Variants in JAZF1 observed in about 807,000 individuals in gnomAD.
JAZF1 encodes JAZF zinc finger 1.
In JAZF1, 8 loss-of-function variants were observed where a neutral mutation model predicts 26.4. That is an observed-to-expected ratio of 0.30 (90% CI 0.18 to 0.55). JAZF1 has a LOEUF of 0.55. JAZF1 is among the 20% of genes least tolerant of loss of function. JAZF1 has a pLI of 0.94. For synonymous variants in JAZF1, 126 were observed against 122.3 expected, an observed-to-expected ratio of 1.03 and a Z score of -0.20; for missense variants, 199 against 322.0, an observed-to-expected ratio of 0.62 and a Z score of 2.92.
chr7:28,158,134 A>G (rs984543352), intron 1 of JAZF1, among the ~76,000 whole-genome samples: 1 of 151,302 alleles, frequency 6.6e-6, no homozygotes, highest in Non-Finnish European at 1.5e-5. Flanking sequence ...AGGAGACCAC[A>G]TTGAAAACAC....
chr7:28,142,307 T>G (rs990708579), intron 1 of JAZF1, among the ~76,000 whole-genome samples: 2 of 152,126 alleles, frequency 1.3e-5, no homozygotes, highest in African/African-American at 4.8e-5. Context: ...AACAGACACA[T>G]ATGCACATGC....
chr7:28,149,020 T>C (rs534072741), intron 1 of JAZF1, among the ~76,000 whole-genome samples: 1 of 152,334 alleles, frequency 6.6e-6, no homozygotes, highest in South Asian at 2.1e-4. Context: ...GGTACTCAAA[T>C]CTTTCCCCCA....
At chr7:28,132,396 G>T (rs534860887) in intron 1 of JAZF1, among the ~76,000 whole-genome samples, 1 of 152,170 alleles carries the variant, frequency 6.6e-6, no homozygotes, top group African/African-American at 2.4e-5. Flanking sequence ...TTAAAGACTC[G>T]TGGGAACAAA....
At chr7:28,133,159 C>A (rs1483075103) in intron 1 of JAZF1, among the ~76,000 whole-genome samples, 1 of 152,170 alleles carries the variant, frequency 6.6e-6, no homozygotes, top group Non-Finnish European at 1.5e-5. Context: ...TAACAAACAC[C>A]CTCTGTAAAA....
chr7:28,012,439 TA>T (rs543586393), intron 1 of JAZF1, among the ~76,000 whole-genome samples: 46 of 152,280 alleles, frequency 3.0e-4, no homozygotes, highest in African/African-American at 9.6e-4. Flanking sequence ...TTTTTTTCTT[TA>T]AAAAACAAAA....
chr7:28,069,666 G>C (rs139462823), intron 1 of JAZF1, among the ~76,000 whole-genome samples: 265 of 152,214 alleles, frequency 1.7e-3, no homozygotes, highest in African/African-American at 6.1e-3. Context: ...ATGACCTAAG[G>C]GGGGAGAAAA....
intron 1 of JAZF1, among the ~76,000 whole-genome samples, chr7:28,145,368 A>G (rs1783011986): frequency 1.3e-5 from 2 of 152,228 alleles, no homozygotes; most frequent in Admixed American, 1.3e-4. Flanking sequence ...AAACACGCCT[A>G]AGCACATACT....
intron 1 of JAZF1, among the ~76,000 whole-genome samples, chr7:28,151,318 T>C (rs1783109269): frequency 6.6e-6 from 1 of 151,790 alleles, no homozygotes; most frequent in Non-Finnish European, 1.5e-5. Flanking sequence ...TTGCCCAGGC[T>C]GGTCTTAAAC....
intron 2 of JAZF1, among the ~76,000 whole-genome samples, chr7:27,918,648 C>T (rs975216407): frequency 6.6e-6 from 1 of 152,182 alleles, no homozygotes; most frequent in Non-Finnish European, 1.5e-5. Flanking sequence ...CAGAGTTATA[C>T]AGAAAATTTG....
At chr7:27,850,641 C>A (rs909831804) in intron 3 of JAZF1, among the ~76,000 whole-genome samples, 1 of 152,188 alleles carries the variant, frequency 6.6e-6, no homozygotes, top group African/African-American at 2.4e-5. Flanking sequence ...CCCAAGATAA[C>A]ACAGCTTCAA....
chr7:27,928,882 C>T (rs562474378), intron 2 of JAZF1, among the ~76,000 whole-genome samples: 8 of 152,160 alleles, frequency 5.3e-5, no homozygotes, highest in African/African-American at 1.7e-4. Flanking sequence ...TACAACAAAC[C>T]CCCATGACAC....
At chr7:27,935,288 G>A (rs757675384) in intron 2 of JAZF1, among the ~76,000 whole-genome samples, 6 of 152,118 alleles carry the variant, frequency 3.9e-5, no homozygotes, top group African/African-American at 7.2e-5. Context: ...AATAGTTGGC[G>A]GATCCTCAAA....
rs567328540 is a variant in JAZF1, at chr7:28,051,143, A to C, written c.116-59162T>G. 8.1e-3 allele frequency among the ~76,000 whole-genome samples: 1,214 copies of C among 149,950 alleles called. 28 individuals carry two copies. Among genetic ancestry groups the C allele is most frequent in the African/African-American group, 0.023 (953 of 40,666 alleles). Reference sequence around the variant, plus strand: ...CAAGACTCCATCTCAAAAAAAAAAAAAAAAAAAAAAAAACAAAGTCTACTA... The same window carrying C: ...CAAGACTCCATCTCAAAAAAAAAAACAAAAAAAAAAAAACAAAGTCTACTA... On this transcript the variant is annotated intron_variant, in intron 1 of 4. Coordinates refer to ENST00000283928, the MANE Select transcript of JAZF1 (RefSeq NM_175061.4).
At position 27,895,139 on chromosome 7, in the gene JAZF1, CT is replaced by C; in HGVS notation, c.385+80del. The stretch of plus-strand genomic sequence containing the variant: ...CTGTGTCGTCATCTGTCCCCAGCCC[CT>C]TTCTGCCCCCAGCACATCACACACA... On this transcript the variant is annotated intron_variant, in intron 3 of 4. Coordinates refer to ENST00000283928, the MANE Select transcript of JAZF1 (RefSeq NM_175061.4). The C allele has an allele frequency of 1.5e-5, 14 of 919,276 alleles. No homozygotes were observed. The South Asian group carries it at 2.9e-4, about 19-fold the overall frequency. 56.9% of individuals were successfully genotyped at this position (919,276 alleles called of 1,614,324 possible).
chr7:27,866,748 A>G (rs1183692729), intron 3 of JAZF1, among the ~76,000 whole-genome samples: 1 of 152,272 alleles, frequency 6.6e-6, no homozygotes, highest in African/African-American at 2.4e-5. Flanking sequence ...ACACTCGATT[A>G]CCATACTGCT....
chr7:27,887,084 C>G (rs997821293), intron 3 of JAZF1, among the ~76,000 whole-genome samples: 1 of 151,900 alleles, frequency 6.6e-6, no homozygotes, highest in South Asian at 2.1e-4. Flanking sequence ...TACATGGACA[C>G]ATACGGGAAA....
intron 1 of JAZF1, among the ~76,000 whole-genome samples, chr7:28,164,323 T>C (rs1330306670): frequency 6.6e-6 from 1 of 152,250 alleles, no homozygotes; most frequent in Non-Finnish European, 1.5e-5. Context: ...CTGATCATCA[T>C]TTTAATTTAG....
intron 3 of JAZF1, among the ~76,000 whole-genome samples, chr7:27,855,432 A>C (rs1355895236): frequency 1.3e-5 from 2 of 152,144 alleles, no homozygotes; most frequent in Non-Finnish European, 2.9e-5. Flanking sequence ...TGAATCCAGG[A>C]GCTGGTTTTT....
chr7:27,881,660 T>C (rs972729074), intron 3 of JAZF1, among the ~76,000 whole-genome samples: 22 of 152,154 alleles, frequency 1.4e-4, no homozygotes, highest in Admixed American at 1.2e-3. Flanking sequence ...CCATCCTACA[T>C]TGATGGCCCA....
Sources: gnomAD v4.1 joint callset for allele counts (sites outside exome capture counted in the v4.1 genomes callset) on GRCh38, gnomAD v4.1.1 for gene constraint, MANE v1.5 for transcripts, NCBI Gene and HGNC (gene_info 2026-07-23, HGNC 2026-07-21) for gene names.